The following MYO18A variants were observed in gnomAD, a reference collection of about 807,000 sequenced individuals.
The protein encoded by MYO18A is myosin XVIIIA.
In MYO18A, 78 loss-of-function variants were observed where a neutral mutation model predicts 235.8. That is an observed-to-expected ratio of 0.33 (90% CI 0.28 to 0.40). MYO18A has a LOEUF of 0.40. Ranked by LOEUF, MYO18A falls within the 10% of genes least tolerant of loss-of-function variation. The pLI is 1.00. For synonymous variants in MYO18A, 977 were observed against 1,077.8 expected, an observed-to-expected ratio of 0.91 and a Z score of 1.83; for missense variants, 2,215 against 2,699.3, an observed-to-expected ratio of 0.82 and a Z score of 3.98.
intron 2 of MYO18A, among the ~76,000 whole-genome samples, chr17:29,143,561 A>G (rs2067787857): frequency 6.6e-6 from 1 of 152,150 alleles, no homozygotes; most frequent in South Asian, 2.1e-4. Context: ...TTTAACTATT[A>G]TTATCTACCT....
At position 29,114,059 on chromosome 17, in the gene MYO18A, C is replaced by G. The variant is rs12601535; in HGVS notation, c.2550G>C (p.Pro850=). 0.54 allele frequency: 860,008 copies of G among 1,600,906 alleles called. 236,899 individuals carry two copies. The highest frequency in any genetic ancestry group is 0.89 in the East Asian group (39,126 of 44,150). ...CCACAGCAGCCACAGAGTCATCCGT[C>G]GGGGGTTCCAAGTCGTCAAACGCCA... The part of the protein sequence containing the change: ...IELAFDDLEP[P]TDDSVAAVDQ... The change falls in exon 15 of 42, where the codon CCG becomes CCC. Residue 850 remains proline, a synonymous_variant. Coordinates refer to ENST00000527372, the MANE Select transcript of MYO18A (RefSeq NM_078471.4).
Position 29,116,506 on chromosome 17 carries a change from G to T in MYO18A, c.2039-51C>A, listed in dbSNP as rs1170409406. On this transcript the variant is annotated intron_variant, in intron 10 of 41. Coordinates refer to ENST00000527372, the MANE Select transcript of MYO18A (RefSeq NM_078471.4). ...GCATGCAAAGAAAAACAGTGTGTTA[G>T]CAAACAGTCATCAATAGAGCTCGCC... is the stretch of plus-strand genomic sequence containing the variant. 5 of 1,613,170 alleles carry T rather than the reference G, an allele frequency of 3.1e-6. No homozygotes were observed. The African/African-American group carries it at 6.7e-5, about 22-fold the overall frequency.
At position 29,140,074 on chromosome 17, in the gene MYO18A, C is replaced by T. The variant is rs946747825; in HGVS notation, c.1000-17821G>A. ...CCCCAGGAAACTGAGGTTCAGAAGA[C>T]AGTGCCCCTCCAAAACTCCTGAAGT... On this transcript the variant is annotated intron_variant, in intron 2 of 41. Coordinates refer to ENST00000527372, the MANE Select transcript of MYO18A (RefSeq NM_078471.4). The surrounding 1 kb of genome is among the most constrained non-coding windows in gnomAD (Gnocchi z 4.2). 1.3e-5 allele frequency among the ~76,000 whole-genome samples: 2 copies of T among 152,168 alleles called. No homozygotes were observed. Among genetic ancestry groups the T allele is most frequent in the African/African-American group, 4.8e-5 (2 of 41,428 alleles).
chr17:29,165,582 C>A, intron 2 of MYO18A: 1 of 235,112 alleles, frequency 4.3e-6, no homozygotes, highest in African/African-American at 2.3e-5. Flanking sequence ...ACCATAAAAC[C>A]ATGAGGCCTG....
rs757271152 is a variant in MYO18A, at chr17:29,140,341, C to T, written c.1000-18088G>A. On this transcript the variant is annotated intron_variant, in intron 2 of 41. Coordinates refer to ENST00000527372, the MANE Select transcript of MYO18A (RefSeq NM_078471.4). This position sits in a 1 kb window ranked among gnomAD's most constrained non-coding sequence, Gnocchi z 4.2. Reference sequence around the variant, plus strand: ...GTGGGGGGTCAGAGGGACACTCACCCGCATGGCCTGGCCTGGAGCAGCCCA... The same window carrying T: ...GTGGGGGGTCAGAGGGACACTCACCTGCATGGCCTGGCCTGGAGCAGCCCA... 3.1e-6 allele frequency: 4 copies of T among 1,272,740 alleles called. No individual in the cohort carries two copies. Among genetic ancestry groups the T allele is most frequent in the African/African-American group, 3.1e-5 (2 of 64,930 alleles). 78.8% of individuals were successfully genotyped at this position (1,272,740 alleles called of 1,614,324 possible).
At chr17:29,122,350 C>T in intron 2 of MYO18A, 97 bp from the exon 3 acceptor site, 1 of 1,082,596 alleles carries the variant, frequency 9.2e-7, no homozygotes, top group East Asian at 2.6e-5. Context: ...GGCTTTGAGA[C>T]AAGCCACTGG....
chr17:29,106,997 G>T lies in MYO18A; in HGVS notation c.3441+83C>A, dbSNP rs867760998. ...CAGGGCCAGATGAGCTGTCTCCAGG[G>T]AAGGGAAGGCAGATGAGTCTGGAAA... On this transcript the variant is annotated intron_variant, in intron 20 of 41. Coordinates refer to ENST00000527372, the MANE Select transcript of MYO18A (RefSeq NM_078471.4). The surrounding 1 kb of genome is among the most constrained non-coding windows in gnomAD (Gnocchi z 4.6). 28 of 1,332,162 alleles carry T rather than the reference G, an allele frequency of 2.1e-5. No individual in the cohort carries two copies. Among genetic ancestry groups the T allele is most frequent in the African/African-American group, 4.3e-5 (3 of 69,362 alleles). The allele number at this position is 1,332,162 out of a possible 1,614,324, so 82.5% of individuals were successfully genotyped here.
chr17:29,105,057 A>G (rs12162126), intron 20 of MYO18A, among the ~76,000 whole-genome samples: 88,256 of 151,202 alleles, frequency 0.58, 26,857 homozygotes, highest in East Asian at 0.89. Context: ...CTGTAGTCCC[A>G]GCTACTTGGG....
intron 2 of MYO18A, among the ~76,000 whole-genome samples, chr17:29,138,546 C>T (rs942369236): frequency 3.9e-5 from 6 of 152,194 alleles, no homozygotes; most frequent in African/African-American, 1.4e-4. Flanking sequence ...GAAATACTAG[C>T]ATAATAGTAA....
Sources: gnomAD v4.1 joint callset for allele counts (sites outside exome capture counted in the v4.1 genomes callset) on GRCh38, gnomAD v4.1.1 for gene constraint, Gnocchi (gnomAD v3.1) non-coding constraint, MANE v1.5 for transcripts, NCBI Gene and HGNC (gene_info 2026-07-23, HGNC 2026-07-21) for gene names.